Variants in CSTF3 observed in about 807,000 individuals in gnomAD.
The protein encoded by CSTF3 is cleavage stimulation factor subunit 3.
Under a neutral mutation model 105.8 loss-of-function variants are expected in CSTF3, and 29 were observed. The ratio of observed to expected loss-of-function variants is 0.27; its 90% confidence interval spans 0.20 to 0.37. CSTF3 has a LOEUF of 0.37. Ranked by LOEUF, CSTF3 falls within the 10% of genes least tolerant of loss-of-function variation. The pLI is 1.00. For synonymous variants in CSTF3, 252 were observed against 281.9 expected (o/e 0.89, Z 1.06); for missense variants, 357 against 879.3 (o/e 0.41, Z 7.51).
chr11:33,135,564 T>G (rs999454433), intron 3 of CSTF3, among the ~76,000 whole-genome samples: 1 of 152,238 alleles, frequency 6.6e-6, no homozygotes, highest in African/African-American at 2.4e-5. Context: ...AAACTTTGGC[T>G]CCAGGGATAA....
At chr11:33,113,796 C>G (rs1184169883) in intron 3 of CSTF3, among the ~76,000 whole-genome samples, 1 of 151,832 alleles carries the variant, frequency 6.6e-6, no homozygotes, top group Non-Finnish European at 1.5e-5. Flanking sequence ...TGGCTCATGC[C>G]TATAATCCCA....
chr11:33,133,178 T>C (rs936457538), intron 3 of CSTF3, among the ~76,000 whole-genome samples: 2 of 152,118 alleles, frequency 1.3e-5, no homozygotes, highest in Admixed American at 6.6e-5. Flanking sequence ...TCAAACACAA[T>C]AAAGTTTGAG....
At chr11:33,110,140 G>A (rs1014944565) in intron 3 of CSTF3, among the ~76,000 whole-genome samples, 5 of 152,248 alleles carry the variant, frequency 3.3e-5, no homozygotes, top group African/African-American at 1.2e-4. Flanking sequence ...TTTCTGGTTG[G>A]TGGATCCTTC....
chr11:33,088,726 C>T (rs1855134479), intron 17 of CSTF3, among the ~76,000 whole-genome samples: 1 of 152,120 alleles, frequency 6.6e-6, no homozygotes, highest in African/African-American at 2.4e-5. Flanking sequence ...CTCACCTTGG[C>T]CTCCCGAATA....
chr11:33,133,282 T>C lies in CSTF3; in HGVS notation c.225+8385A>G, dbSNP rs150201139. ...TATCACTGATTCAACCAAGAATCAA[T>C]AGGGTTTAAATGGAGTGGACAGTTG... is the stretch of plus-strand genomic sequence containing the variant. On this transcript the variant is annotated intron_variant, in intron 3 of 20. Coordinates refer to ENST00000323959, the MANE Select transcript of CSTF3 (RefSeq NM_001326.3). Among the ~76,000 whole-genome samples the C allele has an allele frequency of 9.0e-3, 1,366 of 152,260 alleles. 5 individuals carry two copies. Among genetic ancestry groups the C allele is most frequent in the Non-Finnish European group, 0.013 (886 of 68,010 alleles).
intron 17 of CSTF3, among the ~76,000 whole-genome samples, chr11:33,089,681 G>GT (rs1461475683): frequency 3.3e-5 from 5 of 152,186 alleles, no homozygotes; most frequent in African/African-American, 1.2e-4. Flanking sequence ...ATTATGGGTA[G>GT]TTTTTTCTCA....
intron 1 of CSTF3, among the ~76,000 whole-genome samples, chr11:33,157,007 G>A (rs980479175): frequency 2.0e-5 from 3 of 151,872 alleles, no homozygotes; most frequent in Non-Finnish European, 4.4e-5. Context: ...TAGTGCACAA[G>A]GTTAAATAGA....
chr11:33,088,285 C>G (rs1673008748), intron 17 of CSTF3, among the ~76,000 whole-genome samples: 3 of 143,478 alleles, frequency 2.1e-5, no homozygotes, highest in African/African-American at 8.9e-5. Context: ...TGAATACTTA[C>G]TCTCTTTTTT....
intron 18 of CSTF3, 22 bp from the exon 19 acceptor site, chr11:33,086,011 G>C: frequency 7.2e-7 from 1 of 1,384,998 alleles, no homozygotes; most frequent in South Asian, 1.7e-5. Flanking sequence ...AGAAAAGTAT[G>C]AATCAAGTGG....
intron 5 of CSTF3, among the ~76,000 whole-genome samples, chr11:33,107,207 C>T (rs537105714): frequency 3.7e-4 from 56 of 152,096 alleles, no homozygotes; most frequent in African/African-American, 1.3e-3. Context: ...GTCCCATCTA[C>T]TTGGAAGGCT....
At position 33,146,590 on chromosome 11, in the gene CSTF3, C is replaced by T. The variant is rs527311062; in HGVS notation, c.28-4604G>A. Among the ~76,000 whole-genome samples the T allele has an allele frequency of 2.5e-4, 36 of 141,498 alleles. No homozygotes were observed. In the South Asian group the frequency reaches 6.2e-3, roughly 25 times the overall value. The allele number at this position is 141,498 out of a possible 152,430, so 92.8% of individuals were successfully genotyped here. Reference sequence around the variant, plus strand: ...TTAAATAAATACATATAAAAAAGGACCAATTAAATAAATTATGGAATTTGT... The same window carrying T: ...TTAAATAAATACATATAAAAAAGGATCAATTAAATAAATTATGGAATTTGT... On this transcript the variant is annotated intron_variant, in intron 1 of 20. Coordinates refer to ENST00000323959, the MANE Select transcript of CSTF3 (RefSeq NM_001326.3).
chr11:33,156,516 T>C (rs748951530), intron 1 of CSTF3, among the ~76,000 whole-genome samples: 18 of 152,328 alleles, frequency 1.2e-4, no homozygotes, highest in South Asian at 8.3e-4. Flanking sequence ...CTTCCCAAAA[T>C]TATTTTTCAC....
intron 1 of CSTF3, among the ~76,000 whole-genome samples, chr11:33,147,353 T>C (rs1438096676): frequency 2.0e-5 from 3 of 151,358 alleles, no homozygotes; most frequent in Non-Finnish European, 4.4e-5. Flanking sequence ...TCCCAGCACT[T>C]TGGGAGCCCG....
At chr11:33,116,701 G>A (rs1332669060) in intron 3 of CSTF3, among the ~76,000 whole-genome samples, 1 of 152,158 alleles carries the variant, frequency 6.6e-6, no homozygotes, top group Admixed American at 6.6e-5. Context: ...GGTAAACAAT[G>A]AGGAAAGTTG....
intron 12 of CSTF3, 115 bp from the exon 13 acceptor site, chr11:33,098,879 A>G: frequency 1.5e-6 from 2 of 1,297,194 alleles, no homozygotes; most frequent in Non-Finnish European, 2.1e-6. Flanking sequence ...TCCATTGAGC[A>G]TAAATATAGT....
At chr11:33,106,308 C>A (rs907839341) in intron 5 of CSTF3, among the ~76,000 whole-genome samples, 3 of 151,940 alleles carry the variant, frequency 2.0e-5, no homozygotes, top group Non-Finnish European at 2.9e-5. Flanking sequence ...CCTAGCTACT[C>A]GGAAGGCTGA....
At chr11:33,150,017 T>C (rs1401740293) in intron 1 of CSTF3, among the ~76,000 whole-genome samples, 1 of 145,904 alleles carries the variant, frequency 6.9e-6, no homozygotes, top group African/African-American at 2.5e-5. Context: ...AGACTCCGTC[T>C]TGAAAACAAA....
chr11:33,141,913 G>A lies in CSTF3; in HGVS notation c.101C>T (p.Ala34Val). The A allele has an allele frequency of 6.2e-7, 1 of 1,604,518 alleles. No individual in the cohort carries two copies. The highest frequency in any genetic ancestry group is 8.5e-7 in the Non-Finnish European group (1 of 1,177,116). The change falls in exon 2 of 21, where the codon GCT becomes GTT. Residue 34 changes from alanine to valine, a missense_variant. Transcript: ENST00000323959. ...KLEENPYDLD[A>V]WSILIREAQN... ...TGCCTCTCGAATGAGAATGCTCCAA[G>A]CATCAAGGTCATATGGATTCTCTTC...
chr11:33,109,981 A>ACTGTAT (rs1240714473), intron 3 of CSTF3, among the ~76,000 whole-genome samples: 1 of 152,154 alleles, frequency 6.6e-6, no homozygotes, highest in African/African-American at 2.4e-5. Context: ...TTAGCCTATT[A>ACTGTAT]CTGTATTTGG....
Sources: allele counts gnomAD v4.1 joint callset (sites outside exome capture counted in the v4.1 genomes callset), GRCh38; gene constraint gnomAD v4.1.1; transcripts MANE v1.5; gene names NCBI Gene and HGNC (gene_info 2026-07-23, HGNC 2026-07-21).